STX17: variants seen among roughly 807,000 people sequenced by gnomAD.
The protein encoded by STX17 is syntaxin 17, also known as syntaxin-17.
STX17 carries 29 observed loss-of-function variants against 35.9 expected under a neutral mutation model. The ratio of observed to expected loss-of-function variants is 0.81; its 90% CI spans 0.60 to 1.10. The LOEUF (loss-of-function observed/expected upper bound fraction) is 1.10. Ranked by LOEUF, STX17 falls within the 50% of genes least tolerant of loss-of-function variation. The pLI is 0.00. For synonymous variants in STX17, 92 were observed against 118.3 expected (o/e 0.78, Z 1.44); for missense variants, 312 against 352.3 (o/e 0.89, Z 0.92).
At chr9:99,916,664 C>T (rs960255617) in intron 2 of STX17, among the ~76,000 whole-genome samples, 1 of 151,902 alleles carries the variant, frequency 6.6e-6, no homozygotes, top group South Asian at 2.1e-4. Context: ...AAGTTTAATG[C>T]GAATATTTGA....
chr9:99,931,977 C>T (rs1051930877), intron 3 of STX17, among the ~76,000 whole-genome samples: 5 of 152,114 alleles, frequency 3.3e-5, no homozygotes, highest in African/African-American at 7.2e-5. Flanking sequence ...GGCAAGCTGG[C>T]GTTTTCCTTA....
chr9:99,924,254 CAGAG>C (rs1828945148), intron 2 of STX17, among the ~76,000 whole-genome samples: 1 of 152,118 alleles, frequency 6.6e-6, no homozygotes, highest in African/African-American at 2.4e-5. Context: ...GGCAGGAGGT[CAGAG>C]AGAGATTCTG....
chr9:99,957,545 G>A (rs1416246411), intron 4 of STX17, among the ~76,000 whole-genome samples: 1 of 151,740 alleles, frequency 6.6e-6, no homozygotes, highest in Admixed American at 6.6e-5. Flanking sequence ...CAGATCTTTT[G>A]TTTCCATTTC....
In STX17 at chr9:99,951,117, G is replaced by A. The variant is rs1277183549; in HGVS notation, c.247G>A (p.Asp83Asn). The change falls in exon 4 of 8, where the codon GAC becomes AAC. Residue 83 changes from aspartate to asparagine, a missense_variant. Physicochemically the swap from Asp to Asn is conservative, Grantham distance 23. Coordinates refer to ENST00000259400, the MANE Select transcript of STX17 (RefSeq NM_017919.3). ...ACTTTGTTTGAAAGTCCGAAAGGAT[G>A]ACCTAGTACTTCTGAAGAGAATGAT... ...EKLCLKVRKD[D>N]LVLLKRMIDP... 3 of 1,612,582 alleles carry A rather than the reference G, an allele frequency of 1.9e-6. No homozygotes were observed. In the Admixed American group the frequency reaches 5.0e-5, roughly 27 times the overall value.
chr9:99,931,379 G>A (rs2118384677), intron 3 of STX17, among the ~76,000 whole-genome samples: 1 of 152,198 alleles, frequency 6.6e-6, no homozygotes, highest in African/African-American at 2.4e-5. Flanking sequence ...GAAATTTGAT[G>A]ATGATGTCAT....
chr9:99,948,144 C>A (rs1043551737), intron 3 of STX17, among the ~76,000 whole-genome samples: 1 of 151,936 alleles, frequency 6.6e-6, no homozygotes, highest in African/African-American at 2.4e-5. Context: ...CCTAGTTGCC[C>A]TATCCAATGT....
Position 99,918,913 on chromosome 9 carries a change from A to G in STX17, c.123+3551A>G, listed in dbSNP as rs74858345. 4.5e-4 allele frequency among the ~76,000 whole-genome samples: 69 copies of G among 152,216 alleles called. No individual in the cohort carries two copies. In the East Asian group the frequency reaches 0.012, roughly 26 times the overall value. On this transcript the variant is annotated intron_variant, in intron 2 of 7. Transcript: ENST00000259400. ...GTGAGGAGCTTGGAGGGGTGGATATAGTATGAATTTTGTGACCAGCCTTTT... is the reference window on the plus strand; with the variant it reads ...GTGAGGAGCTTGGAGGGGTGGATATGGTATGAATTTTGTGACCAGCCTTTT...
In STX17 at chr9:99,968,957, C is replaced by A; in HGVS notation, c.*284C>A. ...CTCCCTGGAAATGTGAAAACTGAACCTATAACTCTGATAAGGACTTGAGAT... is the reference window on the plus strand; with the variant it reads ...CTCCCTGGAAATGTGAAAACTGAACATATAACTCTGATAAGGACTTGAGAT... On this transcript the variant is annotated 3_prime_UTR_variant, in exon 8 of 8. Transcript: ENST00000259400. 1 of 272,194 alleles carries A rather than the reference C, an allele frequency of 3.7e-6. No homozygotes were observed. The highest frequency in any genetic ancestry group is 6.9e-6 in the Non-Finnish European group (1 of 145,596). The allele number at this position is 272,194 out of a possible 1,614,324, so 16.9% of individuals were successfully genotyped here. A position where few individuals can be genotyped will look rare whatever the true frequency, so the allele number is the denominator to read the frequency against.
chr9:99,945,949 G>A (rs1309725771), intron 3 of STX17: 1 of 158,216 alleles, frequency 6.3e-6, no homozygotes, highest in Non-Finnish European at 1.4e-5. Context: ...TGGGCGTGGT[G>A]GCTGGCGCCT....
intron 2 of STX17, among the ~76,000 whole-genome samples, chr9:99,922,732 G>T (rs1416152880): frequency 6.6e-6 from 1 of 152,152 alleles, no homozygotes; most frequent in African/African-American, 2.4e-5. Context: ...CTTAAGGAAG[G>T]TCTTCCCCAT....
At chr9:99,941,083 C>T (rs1324554279) in intron 3 of STX17, among the ~76,000 whole-genome samples, 1 of 152,196 alleles carries the variant, frequency 6.6e-6, no homozygotes, top group African/African-American at 2.4e-5. Context: ...GTTTCATATG[C>T]TAGTGACTAC....
At position 99,949,942 on chromosome 9, in the gene STX17, TACAC is replaced by T. The variant is rs58226718; in HGVS notation, c.190-1097_190-1094del. Among the ~76,000 whole-genome samples the T allele has an allele frequency of 2.8e-3, 421 of 149,178 alleles. 1 individual carries two copies. Among genetic ancestry groups the T allele is most frequent in the African/African-American group, 9.6e-3 (388 of 40,626 alleles). On this transcript the variant is annotated intron_variant, in intron 3 of 7. Transcript: ENST00000259400. ...CAAACTGTGTACATGCACACATGTA[TACAC>T]ACACACACACACACACACACTCCTA...
At chr9:99,918,176 C>T (rs1479650762) in intron 2 of STX17, among the ~76,000 whole-genome samples, 1 of 152,184 alleles carries the variant, frequency 6.6e-6, no homozygotes, top group Admixed American at 6.5e-5. Flanking sequence ...GTTGCCCAGG[C>T]TGGAGTGCAG....
intron 3 of STX17, among the ~76,000 whole-genome samples, chr9:99,935,295 A>ACT (rs1018171114): frequency 2.1e-5 from 3 of 144,500 alleles, no homozygotes; most frequent in African/African-American, 7.8e-5. Context: ...ACACCACTGT[A>ACT]CTCCAGCCTG....
At position 99,951,134 on chromosome 9, in the gene STX17, G is replaced by C; in HGVS notation, c.264G>C (p.Lys88Asn). The change falls in exon 4 of 8, where the codon AAG (lysine) becomes AAC (asparagine). Residue 88 changes from lysine (K) to asparagine (N), a missense_variant. Lys to Asn is a moderately conservative substitution (Grantham distance 94). Coordinates refer to ENST00000259400, the MANE Select transcript of STX17 (RefSeq NM_017919.3). ...GAAAGGATGACCTAGTACTTCTGAA[G>C]AGAATGATAGATCCTGTTAAAGAAG... ...KVRKDDLVLL[K>N]RMIDPVKEEA... is the part of the protein sequence containing the mutation. 1 of 1,612,958 alleles carries C rather than the reference G, an allele frequency of 6.2e-7. No individual in the cohort carries two copies. Among genetic ancestry groups the C allele is most frequent in the Non-Finnish European group, 8.5e-7 (1 of 1,179,176 alleles).
intron 2 of STX17, among the ~76,000 whole-genome samples, chr9:99,920,053 C>T (rs1186899187): frequency 6.6e-6 from 1 of 152,180 alleles, no homozygotes; most frequent in African/African-American, 2.4e-5. Flanking sequence ...CAACCTCGTT[C>T]CTTTTTTCTG....
chr9:99,970,311 T>C lies in STX17; in HGVS notation c.*1638T>C, dbSNP rs1387673065. 1 of 152,238 alleles carries C rather than the reference T, an allele frequency of 6.6e-6. No homozygotes were observed. 9.4% of individuals were successfully genotyped at this position (152,238 alleles called of 1,614,324 possible). A position where few individuals can be genotyped will look rare whatever the true frequency, so the allele number is the denominator to read the frequency against. On this transcript the variant is annotated 3_prime_UTR_variant, in exon 8 of 8. Coordinates refer to ENST00000259400, the MANE Select transcript of STX17 (RefSeq NM_017919.3). Reference sequence around the variant, plus strand: ...AAATCCAGTGAAACAGCACCATTTCTTAGTATCATTAAATAACTAGAAAGT... The same window carrying C: ...AAATCCAGTGAAACAGCACCATTTCCTAGTATCATTAAATAACTAGAAAGT...
intron 4 of STX17, among the ~76,000 whole-genome samples, chr9:99,956,581 A>T (rs56063656): frequency 6.6e-6 from 1 of 152,228 alleles, no homozygotes; most frequent in Non-Finnish European, 1.5e-5. Flanking sequence ...TAAAGCATAG[A>T]GTAACTATTT....
intron 3 of STX17, among the ~76,000 whole-genome samples, chr9:99,940,913 A>C (rs1329203540): frequency 6.6e-6 from 1 of 152,214 alleles, no homozygotes; most frequent in Non-Finnish European, 1.5e-5. Flanking sequence ...CTCTAATCCT[A>C]GTGTTCCTTC....
Sources: allele counts gnomAD v4.1 joint callset (sites outside exome capture counted in the v4.1 genomes callset), GRCh38; gene constraint gnomAD v4.1.1; transcripts MANE v1.5; gene names NCBI Gene and HGNC (gene_info 2026-07-23, HGNC 2026-07-21).